Variants in ASAP3 observed in about 807,000 individuals in gnomAD.
The protein encoded by ASAP3 is ArfGAP with SH3 domain, ankyrin repeat and PH domain 3, also known as arf-GAP with SH3 domain, ANK repeat and PH domain-containing protein 3.
Under a neutral mutation model 118.2 loss-of-function variants are expected in ASAP3, and 85 were observed. The observed-to-expected ratio is 0.72, with a 90% CI of 0.60 to 0.86. The LOEUF (loss-of-function observed/expected upper bound fraction) is 0.86. Ranked by LOEUF, ASAP3 falls within the 40% of genes least tolerant of loss-of-function variation. The pLI is 0.00. For synonymous variants in ASAP3, 432 were observed against 477.4 expected, an observed-to-expected ratio of 0.90 and a Z score of 1.24; for missense variants, 1,026 against 1,175.0, an observed-to-expected ratio of 0.87 and a Z score of 1.85.
rs1196649755 is a variant in ASAP3 at position 23,429,079 on chromosome 1, T to C, written c.*777A>G. On this transcript the variant is annotated 3_prime_UTR_variant, in exon 25 of 25. Transcript: ENST00000336689. ...ACAGGCAAATGTGGGTGCATCTGAC[T>C]CTACAATTTGGCTGGGGAATATAGG... 6.5e-6 allele frequency: 1 copy of C among 154,254 alleles called. No individual in the cohort carries two copies. Among genetic ancestry groups the C allele is most frequent in the Non-Finnish European group, 1.5e-5 (1 of 68,214 alleles). 9.6% of individuals were successfully genotyped at this position (154,254 alleles called of 1,614,324 possible).
chr1:23,463,075 G>A (rs1213218391), intron 1 of ASAP3, among the ~76,000 whole-genome samples: 2 of 152,152 alleles, frequency 1.3e-5, no homozygotes, highest in Non-Finnish European at 2.9e-5. Flanking sequence ...TGGGAAGAAT[G>A]GACAAGGACA....
At chr1:23,456,521 G>A (rs1641393334) in intron 1 of ASAP3, among the ~76,000 whole-genome samples, 1 of 152,216 alleles carries the variant, frequency 6.6e-6, no homozygotes, top group African/African-American at 2.4e-5. Context: ...TCTGGCAGTA[G>A]CTGGTGTGTC....
At chr1:23,450,257 G>C (rs1249188604) in intron 5 of ASAP3, among the ~76,000 whole-genome samples, 1 of 152,198 alleles carries the variant, frequency 6.6e-6, no homozygotes, top group Non-Finnish European at 1.5e-5. Flanking sequence ...ATAATTATGA[G>C]TAGGGACAAA....
intron 5 of ASAP3, among the ~76,000 whole-genome samples, chr1:23,444,550 T>G (rs879339532): frequency 5.3e-5 from 8 of 152,220 alleles, no homozygotes; most frequent in Non-Finnish European, 1.2e-4. Flanking sequence ...AAAACGGAGA[T>G]TCTTATCTGT....
chr1:23,457,751 G>A lies in ASAP3; in HGVS notation c.130-1557C>T, dbSNP rs187600807. Among the ~76,000 whole-genome samples the A allele has an allele frequency of 2.1e-3, 327 of 152,294 alleles. 1 individual carries two copies. Among genetic ancestry groups the A allele is most frequent in the Non-Finnish European group, 3.5e-3 (239 of 68,028 alleles). On this transcript the variant is annotated intron_variant, in intron 1 of 24. Coordinates refer to ENST00000336689, the MANE Select transcript of ASAP3 (RefSeq NM_017707.4). ...TGGTCTCAAACTCCTGACCTCAAGT[G>A]ATCCACCCGCTTCGGCCTCCCAAGG... is the stretch of plus-strand genomic sequence containing the variant.
intron 6 of ASAP3, 96 bp downstream of exon 6, chr1:23,442,405 G>T: frequency 6.3e-7 from 1 of 1,590,202 alleles, no homozygotes; most frequent in Non-Finnish European, 8.6e-7. Context: ...GGGCCATGTG[G>T]CCAGGACCTG....
intron 1 of ASAP3, among the ~76,000 whole-genome samples, chr1:23,471,382 T>G (rs1459487511): frequency 6.6e-6 from 1 of 152,192 alleles, no homozygotes; most frequent in Non-Finnish European, 1.5e-5. Flanking sequence ...CTGGCCCTTA[T>G]TTGCCATACA....
At chr1:23,469,072 A>G (rs1023326793) in intron 1 of ASAP3, among the ~76,000 whole-genome samples, 4 of 152,066 alleles carry the variant, frequency 2.6e-5, no homozygotes, top group Non-Finnish European at 4.4e-5. Context: ...TGGGAGGCCC[A>G]AGTGGGTGGA....
rs1640759124 is a variant in ASAP3 at position 23,438,677 on chromosome 1, G to A, written c.1102+70C>T. 20 of 1,426,224 alleles carry A rather than the reference G, an allele frequency of 1.4e-5. No individual in the cohort carries two copies. Among genetic ancestry groups the A allele is most frequent in the South Asian group, 1.1e-4 (9 of 85,510 alleles). The allele number at this position is 1,426,224 out of a possible 1,614,324, so 88.3% of individuals were successfully genotyped here. On this transcript the variant is annotated intron_variant, in intron 12 of 24. Transcript: ENST00000336689. The surrounding 1 kb of genome is among the most constrained non-coding windows in gnomAD (Gnocchi z 4.9). ...CACAGACCCCTCACTGAAGCCCCCC[G>A]GGAGCTGACAGGTGTCTTAGAGAAG...
At chr1:23,481,698 CCATTCTAAGGGTCCCT>C (rs1212985728) in intron 1 of ASAP3, among the ~76,000 whole-genome samples, 1 of 152,182 alleles carries the variant, frequency 6.6e-6, no homozygotes, top group Admixed American at 6.5e-5. Context: ...GCCTCCAGAC[CCATTCTAAGGGTCCCT>C]CCCCCAACAC....
intron 22 of ASAP3, 94 bp downstream of exon 22, chr1:23,432,983 T>A (rs1287507537): frequency 7.0e-7 from 1 of 1,434,506 alleles, no homozygotes; most frequent in African/African-American, 1.4e-5. Flanking sequence ...ATAAGGATAG[T>A]ACGGACTAAC....
intron 22 of ASAP3, 67 bp from the exon 23 acceptor site, chr1:23,431,985 G>A: frequency 7.9e-7 from 1 of 1,264,016 alleles, no homozygotes. Flanking sequence ...CAACCTCAAA[G>A]CAGTCTCTGG....
In ASAP3 at chr1:23,484,169, C is replaced by CG. The variant is rs770152013; in HGVS notation, c.-37dup. ...AGCGTGGAGCTGCCGGAGCGGGGCG[C>CG]GGGGGGCACTGAGCTGCTCCGCGCT... On this transcript the variant is annotated 5_prime_UTR_variant, in exon 1 of 25. Transcript: ENST00000336689. The CG allele has an allele frequency of 2.1e-5, 26 of 1,245,786 alleles. No homozygotes were observed. In the African/African-American group the frequency reaches 3.1e-4, roughly 15 times the overall value. 77.2% of individuals were successfully genotyped at this position (1,245,786 alleles called of 1,614,324 possible). A position where few individuals can be genotyped will look rare whatever the true frequency, so the allele number is the denominator to read the frequency against.
chr1:23,470,705 C>T (rs1641935476), intron 1 of ASAP3, among the ~76,000 whole-genome samples: 1 of 152,178 alleles, frequency 6.6e-6, no homozygotes, highest in Non-Finnish European at 1.5e-5. Context: ...GCCGTGCGCC[C>T]CTTGGTCAGG....
At chr1:23,473,974 CTTTTTTTTTTTTT>C (rs10664798) in intron 1 of ASAP3, among the ~76,000 whole-genome samples, 2 of 72,104 alleles carry the variant, frequency 2.8e-5, no homozygotes, top group Non-Finnish European at 4.5e-5. Context: ...TAAATCTGCT[CTTTTTTTTTTTTT>C]TTTTTTTTTT....
chr1:23,463,266 C>T (rs913059789), intron 1 of ASAP3, among the ~76,000 whole-genome samples: 1 of 152,168 alleles, frequency 6.6e-6, no homozygotes. Context: ...GTTCTAATTA[C>T]TCCTTTCTCA....
intron 5 of ASAP3, among the ~76,000 whole-genome samples, chr1:23,444,963 CTTT>C (rs555108300): frequency 2.9e-5 from 4 of 137,272 alleles, no homozygotes; most frequent in African/African-American, 8.1e-5. Context: ...GCTCTGTAGG[CTTT>C]TTTTTTTTTT....
At chr1:23,430,830 G>A (rs1432153126) in intron 24 of ASAP3, among the ~76,000 whole-genome samples, 1 of 152,122 alleles carries the variant, frequency 6.6e-6, no homozygotes, top group Non-Finnish European at 1.5e-5. Context: ...TGGCCAAACC[G>A]TGGCCACCTG....
chr1:23,482,276 C>CT (rs1413975321), intron 1 of ASAP3, among the ~76,000 whole-genome samples: 1 of 152,206 alleles, frequency 6.6e-6, no homozygotes, highest in East Asian at 1.9e-4. Context: ...AATCCTAGTA[C>CT]TTTGAGAGGC....
Sources: gnomAD v4.1 joint callset for allele counts (sites outside exome capture counted in the v4.1 genomes callset) on GRCh38, gnomAD v4.1.1 for gene constraint, Gnocchi (gnomAD v3.1) non-coding constraint, MANE v1.5 for transcripts, NCBI Gene and HGNC (gene_info 2026-07-23, HGNC 2026-07-21) for gene names.